Variants in DHRSX observed in about 807,000 individuals in gnomAD.
The protein encoded by DHRSX is polyprenol dehydrogenase.
Under a neutral mutation model 34.0 loss-of-function variants are expected in DHRSX, and 31 were observed. That is an observed-to-expected ratio of 0.91 (90% CI 0.69 to 1.23). The LOEUF (loss-of-function observed/expected upper bound fraction) is 1.23, where lower values mean the gene tolerates loss of function less well. DHRSX is among the 50% of genes most tolerant of loss of function. The pLI, the probability that DHRSX is intolerant of heterozygous loss-of-function variation, is 0.00. For missense variants in DHRSX, 414 were observed against 428.1 expected (o/e 0.97, Z 0.29); for synonymous variants, 201 against 183.8 (o/e 1.09, Z -0.76).
At chrX:2,461,071 C>T (rs1027482159) in intron 1 of DHRSX, among the ~76,000 whole-genome samples, 108 of 152,172 alleles carry the variant, frequency 7.1e-4, no homozygotes, top group Middle Eastern at 3.4e-3. Flanking sequence ...AGTTTTTCCC[C>T]CAAGAATTTA....
intron 3 of DHRSX, among the ~76,000 whole-genome samples, chrX:2,357,374 TA>T (rs1261592028): frequency 2.6e-5 from 4 of 151,762 alleles, no homozygotes; most frequent in Admixed American, 6.6e-5. Flanking sequence ...ATCCCTGAGA[TA>T]AAAACCCAGA....
chrX:2,298,296 T>G (rs1318540642), intron 3 of DHRSX, among the ~76,000 whole-genome samples: 4 of 145,632 alleles, frequency 2.7e-5, no homozygotes, highest in African/African-American at 1.0e-4. Context: ...ATTTCTATTG[T>G]GCAAGTTCCC....
At chrX:2,238,494 C>G (rs761687146) in intron 6 of DHRSX, among the ~76,000 whole-genome samples, 5 of 152,138 alleles carry the variant, frequency 3.3e-5, no homozygotes, top group Non-Finnish European at 7.3e-5. Context: ...TACAACCATG[C>G]CCTCAGATGA....
At chrX:2,444,693 G>A (rs1278078100) in intron 1 of DHRSX, among the ~76,000 whole-genome samples, 1 of 151,968 alleles carries the variant, frequency 6.6e-6, no homozygotes, top group African/African-American at 2.4e-5. Flanking sequence ...AAACTTGCCT[G>A]GGCATGATGG....
intron 5 of DHRSX, among the ~76,000 whole-genome samples, chrX:2,259,423 A>G (rs1214106070): frequency 6.8e-6 from 1 of 147,702 alleles, no homozygotes; most frequent in Non-Finnish European, 1.5e-5. Flanking sequence ...GATATATACA[A>G]TAAATTAAAA....
chrX:2,430,908 T>C lies in DHRSX; in HGVS notation c.110-5604A>G, dbSNP rs188665529. ...GGCATGGTGGCACACGGCTGTCATC[T>C]CAGCTACCCGGGAGGCTGAGTTCAG... On this transcript the variant is annotated intron_variant, in intron 1 of 6. Coordinates refer to ENST00000334651, the MANE Select transcript of DHRSX (RefSeq NM_145177.3). Among the ~76,000 whole-genome samples the C allele has an allele frequency of 8.8e-4, 134 of 151,968 alleles. 1 individual carries two copies. Among genetic ancestry groups the C allele is most frequent in the African/African-American group, 3.1e-3 (129 of 41,470 alleles).
chrX:2,419,202 T>C (rs887416654), intron 2 of DHRSX, among the ~76,000 whole-genome samples: 1 of 151,996 alleles, frequency 6.6e-6, no homozygotes, highest in African/African-American at 2.4e-5. Flanking sequence ...GTCACGAGGG[T>C]GGAGCACAAT....
chrX:2,296,063 G>A (rs2041928335), intron 3 of DHRSX, among the ~76,000 whole-genome samples: 1 of 151,992 alleles, frequency 6.6e-6, no homozygotes, highest in Non-Finnish European at 1.5e-5. Context: ...AAGCCACGCC[G>A]GGCATCTCTA....
intron 1 of DHRSX, among the ~76,000 whole-genome samples, chrX:2,443,907 GA>G (rs2124669090): frequency 6.6e-6 from 1 of 152,076 alleles, no homozygotes; most frequent in South Asian, 2.1e-4. Flanking sequence ...TCGGGAGGCT[GA>G]GGCAGGAGAA....
intron 1 of DHRSX, among the ~76,000 whole-genome samples, chrX:2,475,358 C>T (rs962022153): frequency 1.3e-5 from 2 of 150,604 alleles, no homozygotes; most frequent in African/African-American, 4.9e-5. Flanking sequence ...AAGGGAATGC[C>T]GACATGTACA....
chrX:2,249,673 AC>A (rs2016390708), intron 5 of DHRSX, among the ~76,000 whole-genome samples: 1 of 150,628 alleles, frequency 6.6e-6, no homozygotes, highest in Non-Finnish European at 1.5e-5. Flanking sequence ...ACAGGCGCCT[AC>A]CATCACGCCC....
intron 6 of DHRSX, among the ~76,000 whole-genome samples, chrX:2,229,786 T>C (rs763289928): frequency 9.9e-5 from 15 of 152,162 alleles, no homozygotes; most frequent in African/African-American, 3.4e-4. Context: ...TGTGCGGGTA[T>C]GGGCCTGCGT....
intron 3 of DHRSX, among the ~76,000 whole-genome samples, chrX:2,342,782 T>C (rs1041774594): frequency 1.3e-5 from 2 of 152,132 alleles, no homozygotes; most frequent in Admixed American, 6.5e-5. Flanking sequence ...ACCTCTCTAA[T>C]AGCTGCTAAC....
At chrX:2,490,614 C>T (rs751049688) in intron 1 of DHRSX, 5 of 1,613,964 alleles carry the variant, frequency 3.1e-6, no homozygotes, top group South Asian at 2.2e-5. Flanking sequence ...ATGCATCCCT[C>T]GGCGTTGGTG....
At position 2,462,722 on chromosome X, in the gene DHRSX, C is replaced by A. The variant is rs182973418; in HGVS notation, c.110-37418G>T. On this transcript the variant is annotated intron_variant, in intron 1 of 6. Transcript: ENST00000334651. ...CCAGGAATTTTTTATAAGCCCAAGT[C>A]CCACGTGTATTTTACAGCACTAATA... 2.8e-3 allele frequency among the ~76,000 whole-genome samples: 433 copies of A among 152,132 alleles called. 1 individual carries two copies. The highest frequency in any genetic ancestry group is 4.2e-3 in the Non-Finnish European group (287 of 68,010).
At chrX:2,430,554 T>C (rs1390696336) in intron 1 of DHRSX, among the ~76,000 whole-genome samples, 1 of 152,130 alleles carries the variant, frequency 6.6e-6, no homozygotes, top group Non-Finnish European at 1.5e-5. Context: ...GGACGCTCCT[T>C]CTACCCAATT....
At chrX:2,458,266 C>T (rs757881166) in intron 1 of DHRSX, among the ~76,000 whole-genome samples, 2 of 152,218 alleles carry the variant, frequency 1.3e-5, no homozygotes, top group East Asian at 3.9e-4. Flanking sequence ...TCCCTAAGGT[C>T]CAGCCATTGG....
chrX:2,479,577 CAAGGGACGGCACTT>C (rs2044738263), intron 1 of DHRSX, among the ~76,000 whole-genome samples: 1 of 147,418 alleles, frequency 6.8e-6, no homozygotes, highest in African/African-American at 2.5e-5. Context: ...AGAAAACGGC[CAAGGGACGGCACTT>C]AAGACGTTCC....
At chrX:2,436,211 A>AAAAT (rs1300871536) in intron 1 of DHRSX, among the ~76,000 whole-genome samples, 25 of 151,956 alleles carry the variant, frequency 1.6e-4, no homozygotes, top group African/African-American at 5.8e-4. Flanking sequence ...AATAACAACA[A>AAAAT]AAATAAATAA....
Sources: allele counts gnomAD v4.1 joint callset (sites outside exome capture counted in the v4.1 genomes callset), GRCh38; gene constraint gnomAD v4.1.1; transcripts MANE v1.5; gene names NCBI Gene and HGNC (gene_info 2026-07-23, HGNC 2026-07-21).